Variants in ACYP2 observed in about 807,000 individuals in gnomAD.
The protein encoded by ACYP2 is acylphosphatase 2.
ACYP2 carries 12 observed loss-of-function variants against 11.2 expected under a neutral mutation model. The observed-to-expected ratio is 1.08, with a 90% CI of 0.69 to 1.74. ACYP2 has a LOEUF of 1.74. Ranked by LOEUF, ACYP2 falls within the 40% of genes most tolerant of loss-of-function variation. The pLI is 0.00. For missense variants in ACYP2, 134 were observed against 101.9 expected, an observed-to-expected ratio of 1.31 and a Z score of -1.35; for synonymous variants, 43 against 32.2, an observed-to-expected ratio of 1.33 and a Z score of -1.13.
In ACYP2 at chr2:53,971,890, T is replaced by C. The variant is rs143873674; in HGVS notation, c.-37+569T>C. Among the ~76,000 whole-genome samples, 789 of 152,334 alleles carry C rather than the reference T, an allele frequency of 5.2e-3. 2 individuals carry two copies. The highest frequency in any genetic ancestry group is 9.6e-3 in the Non-Finnish European group (656 of 68,036). ...TAAAAATTCAAAGTTCAAAATAGCGTAAGAGAGGGGACGGAGAAATGAGAC... is the reference window on the plus strand; with the variant it reads ...TAAAAATTCAAAGTTCAAAATAGCGCAAGAGAGGGGACGGAGAAATGAGAC... On this transcript the variant is annotated intron_variant, in intron 1 of 6. Coordinates refer to ENST00000607452, the MANE Select transcript of ACYP2 (RefSeq NM_001320586.2).
chr2:54,023,222 T>C (rs1035538281), intron 2 of ACYP2, among the ~76,000 whole-genome samples: 1 of 152,230 alleles, frequency 6.6e-6, no homozygotes, highest in African/African-American at 2.4e-5. Flanking sequence ...TTTATGTGTG[T>C]GTGGGTTGTG....
At chr2:53,999,178 A>G (rs11889527) in intron 2 of ACYP2, among the ~76,000 whole-genome samples, 15,109 of 152,220 alleles carry the variant, frequency 0.099, 1,052 homozygotes, top group African/African-American at 0.19. Flanking sequence ...GTTTTTTAAT[A>G]GCCCCAAAAC....
chr2:54,000,454 T>C (rs893808200), intron 2 of ACYP2, among the ~76,000 whole-genome samples: 1 of 152,336 alleles, frequency 6.6e-6, no homozygotes, highest in African/African-American at 2.4e-5. Context: ...TTTGGCACTT[T>C]GAATTCTCCA....
intron 6 of ACYP2, among the ~76,000 whole-genome samples, chr2:54,272,581 G>C (rs1006974184): frequency 6.6e-6 from 1 of 152,226 alleles, no homozygotes; most frequent in African/African-American, 2.4e-5. Flanking sequence ...GATGGAGTAA[G>C]TGGCTTCCTT....
intron 2 of ACYP2, among the ~76,000 whole-genome samples, chr2:54,006,388 C>T (rs1000309397): frequency 6.6e-6 from 1 of 152,008 alleles, no homozygotes; most frequent in Admixed American, 6.6e-5. Context: ...CTCAGGTGAT[C>T]CACCCGCCTC....
At chr2:54,291,493 C>T (rs942172752) in intron 6 of ACYP2, among the ~76,000 whole-genome samples, 2 of 152,218 alleles carry the variant, frequency 1.3e-5, no homozygotes, top group African/African-American at 4.8e-5. Flanking sequence ...ACCTCTATTC[C>T]AAACTCCTTC....
intron 2 of ACYP2, among the ~76,000 whole-genome samples, chr2:54,003,521 A>G (rs916448064): frequency 1.3e-5 from 2 of 152,148 alleles, no homozygotes; most frequent in African/African-American, 4.8e-5. Flanking sequence ...CGGCCTCCCA[A>G]AGTGCTGGGA....
intron 6 of ACYP2, among the ~76,000 whole-genome samples, chr2:54,155,512 G>A (rs112813011): frequency 8.5e-4 from 129 of 152,292 alleles, no homozygotes; most frequent in African/African-American, 2.8e-3. Context: ...CCAGATCAGT[G>A]GCAGCATTAG....
intron 6 of ACYP2, among the ~76,000 whole-genome samples, chr2:54,302,443 G>C (rs563621192): frequency 6.6e-6 from 1 of 152,188 alleles, no homozygotes; most frequent in East Asian, 1.9e-4. Context: ...TTCCTTCTCT[G>C]CCTTTCCTGG....
chr2:54,213,757 C>A (rs1343193785), intron 6 of ACYP2, among the ~76,000 whole-genome samples: 1 of 149,478 alleles, frequency 6.7e-6, no homozygotes, highest in African/African-American at 2.6e-5. Context: ...CTTTGCCCCC[C>A]ACCCCACACC....
At chr2:53,999,687 C>T (rs1341205671) in intron 2 of ACYP2, among the ~76,000 whole-genome samples, 1 of 152,020 alleles carries the variant, frequency 6.6e-6, no homozygotes, top group Admixed American at 6.6e-5. Context: ...AAAATTAATC[C>T]CCTGGTCTAT....
intron 4 of ACYP2, among the ~76,000 whole-genome samples, chr2:54,062,483 C>T (rs1676521474): frequency 6.6e-6 from 1 of 152,134 alleles, no homozygotes; most frequent in South Asian, 2.1e-4. Flanking sequence ...AAATCTGGTT[C>T]CACTTTTACT....
chr2:54,032,754 C>T (rs1337875514), intron 2 of ACYP2, among the ~76,000 whole-genome samples: 2 of 152,020 alleles, frequency 1.3e-5, no homozygotes, highest in African/African-American at 4.8e-5. Flanking sequence ...CCTAGGAATC[C>T]AACTTATGAG....
chr2:54,049,928 C>T (rs188770410), intron 2 of ACYP2, among the ~76,000 whole-genome samples: 29 of 152,240 alleles, frequency 1.9e-4, no homozygotes, highest in Admixed American at 1.7e-3. Context: ...TGGTTTCTTT[C>T]ATTGAAGAGT....
intron 6 of ACYP2, among the ~76,000 whole-genome samples, chr2:54,187,809 G>A (rs1684072440): frequency 6.6e-6 from 1 of 152,192 alleles, no homozygotes; most frequent in Non-Finnish European, 1.5e-5. Flanking sequence ...CAGAATTCAT[G>A]TGTTGGAAAC....
chr2:54,180,628 C>T (rs79570591), intron 6 of ACYP2, among the ~76,000 whole-genome samples: 3,451 of 152,240 alleles, frequency 0.023, 71 homozygotes, highest in Non-Finnish European at 0.027. Flanking sequence ...GATCATGGCT[C>T]ACTGCAGTTT....
In ACYP2 at chr2:54,040,052, G is replaced by A. The variant is rs1386374072; in HGVS notation, c.63-10906G>A. ...TCTGTGTTGAGAAGAATCTCAACAT[G>A]TCAAAGATGGAAGCTGGGAGACTAG... is the stretch of plus-strand genomic sequence containing the variant. On this transcript the variant is annotated intron_variant, in intron 2 of 6. Transcript: ENST00000607452. Among the ~76,000 whole-genome samples, 3 of 152,088 alleles carry A rather than the reference G, an allele frequency of 2.0e-5. No homozygotes were observed. In the East Asian group the frequency reaches 5.8e-4, roughly 29 times the overall value.
intron 6 of ACYP2, chr2:54,267,226 A>T: frequency 6.6e-7 from 1 of 1,514,360 alleles, no homozygotes; most frequent in Non-Finnish European, 8.9e-7. Context: ...AGTGCCTGGC[A>T]CAAAGAAGCT....
intron 6 of ACYP2, among the ~76,000 whole-genome samples, chr2:54,199,035 A>C (rs1414798521): frequency 6.6e-6 from 1 of 152,182 alleles, no homozygotes; most frequent in Admixed American, 6.5e-5. Flanking sequence ...ACAGGGAAGT[A>C]ACACAAATAA....
Sources: gnomAD v4.1 joint callset for allele counts (sites outside exome capture counted in the v4.1 genomes callset) on GRCh38, gnomAD v4.1.1 for gene constraint, MANE v1.5 for transcripts, NCBI Gene and HGNC (gene_info 2026-07-23, HGNC 2026-07-21) for gene names.